PITX1: variants seen among roughly 807,000 people sequenced by gnomAD.
The protein encoded by PITX1 is paired like homeodomain 1, also known as pituitary homeobox 1.
A neutral mutation model predicts 24.1 loss-of-function variants in PITX1; 5 were observed. The ratio of observed to expected loss-of-function variants is 0.21; its 90% CI spans 0.11 to 0.44. The LOEUF (loss-of-function observed/expected upper bound fraction) is 0.44, where lower values mean the gene tolerates loss of function less well. Among genes scored for constraint, PITX1 ranks in the 20% least tolerant of loss-of-function variants. The pLI is 0.99. For synonymous variants in PITX1, 213 were observed against 208.9 expected (o/e 1.02, Z -0.17); for missense variants, 401 against 455.4 (o/e 0.88, Z 1.09).
In PITX1 at chr5:135,029,078, C is replaced by A. The variant is rs373526031; in HGVS notation, c.646G>T (p.Ala216Ser). The change falls in exon 3 of 3, where the codon GCA becomes TCA. Residue 216 changes from alanine (A) to serine (S), a missense_variant. Physicochemically the swap from Ala to Ser is moderately conservative, Grantham distance 99. Coordinates refer to ENST00000265340, the MANE Select transcript of PITX1 (RefSeq NM_002653.5). Reference sequence around the variant, plus strand: ...GTCATGGAGGAGATGGAGCTGGGTGCTGAGAACATGGACTGCGACGACAGC... The same window carrying A: ...GTCATGGAGGAGATGGAGCTGGGTGATGAGAACATGGACTGCGACGACAGC... ...SPLSSQSMFS[A>S]PSSISSMTMP... 2.8e-5 allele frequency: 45 copies of A among 1,614,080 alleles called. No individual in the cohort carries two copies. The highest frequency in any genetic ancestry group is 3.6e-5 in the Non-Finnish European group (43 of 1,180,034).
chr5:135,029,876 T>C (rs1752419372), intron 2 of PITX1, among the ~76,000 whole-genome samples: 1 of 152,226 alleles, frequency 6.6e-6, no homozygotes. Context: ...TCCCTCAGTC[T>C]GTTTTCTTGT....
rs1220641579 is a variant in PITX1 at position 135,031,366 on chromosome 5, T to C, written c.312A>G (p.Leu104=). The C allele has an allele frequency of 5.0e-6, 8 of 1,613,990 alleles. No homozygotes were observed. In the Admixed American group the frequency reaches 1.2e-4, roughly 24 times the overall value. ...THFTSQQLQE[L]EATFQRNRYP... ...AGCGGTTCCTCTGGAACGTGGCCTCTAGCTCTTGCAACTGCTGGCTTGTGA... is the reference window on the plus strand; with the variant it reads ...AGCGGTTCCTCTGGAACGTGGCCTCCAGCTCTTGCAACTGCTGGCTTGTGA... Residue 104 remains leucine, a synonymous_variant, in exon 2 of 3, where the codon CTA becomes CTG. Transcript: ENST00000265340.
rs70976562 is a variant in PITX1, at chr5:135,028,549, CTTT to C, written c.*227_*229del. ...GGCACTTTTCTCCGACGTCTTTTTG[CTTT>C]TTTTTTTTTTTTTTTTTTTTTGTCT... On this transcript the variant is annotated 3_prime_UTR_variant, in exon 3 of 3. Coordinates refer to ENST00000265340, the MANE Select transcript of PITX1 (RefSeq NM_002653.5). 5,123 of 76,472 alleles carry C rather than the reference CTTT, an allele frequency of 0.067. 108 individuals are homozygous for C. Among genetic ancestry groups the C allele is most frequent in the African/African-American group, 0.26 (4,698 of 18,356 alleles). 4.7% of individuals were successfully genotyped at this position (76,472 alleles called of 1,614,324 possible). A position where few individuals can be genotyped will look rare whatever the true frequency, so the allele number is the denominator to read the frequency against.
chr5:135,031,578 G>A, intron 1 of PITX1, 70 bp from the exon 2 acceptor site: 2 of 1,276,786 alleles, frequency 1.6e-6, no homozygotes, highest in Non-Finnish European at 1.1e-6. Flanking sequence ...CGGCTCCACC[G>A]AACCGCTCGC....
chr5:135,032,909 CG>C, intron 1 of PITX1: 1 of 426,590 alleles, frequency 2.3e-6, no homozygotes, highest in Non-Finnish European at 4.7e-6. Flanking sequence ...GCGCCCACAC[CG>C]GGGAGCTCGG....
In PITX1 at chr5:135,031,511, G is replaced by A. The variant is rs368052805; in HGVS notation, c.170-3C>T. 9 of 1,607,514 alleles carry A rather than the reference G, an allele frequency of 5.6e-6. No individual in the cohort carries two copies. The highest frequency in any genetic ancestry group is 6.8e-6 in the Non-Finnish European group (8 of 1,177,968). ...GGGTTCCCCGCCGCGCTCCTTCTCT[G>A]CAGTAGGCAGGACGGGGAGCGGGTC... On this transcript the variant is annotated splice_polypyrimidine_tract_variant and splice_region_variant and intron_variant, in intron 1 of 2. Transcript: ENST00000265340.
At position 135,033,335 on chromosome 5, in the gene PITX1, CG is replaced by C; in HGVS notation, c.169+377del. ...CTCTGTCTCTCTGAGTGCGTTCTCTCGCCCGTCACCCCTCTTCCTTTCTCGG... is the reference window on the plus strand; with the variant it reads ...CTCTGTCTCTCTGAGTGCGTTCTCTCCCCGTCACCCCTCTTCCTTTCTCGG... On this transcript the variant is annotated intron_variant, in intron 1 of 2. Coordinates refer to ENST00000265340, the MANE Select transcript of PITX1 (RefSeq NM_002653.5). The surrounding 1 kb of genome is among the most constrained non-coding windows in gnomAD (Gnocchi z 5.9). The C allele has an allele frequency of 3.4e-6, 1 of 297,950 alleles. No individual in the cohort carries two copies. 18.5% of individuals were successfully genotyped at this position (297,950 alleles called of 1,614,324 possible).
chr5:135,031,643 T>A, intron 1 of PITX1, 135 bp from the exon 2 acceptor site: 1 of 730,616 alleles, frequency 1.4e-6, no homozygotes, highest in South Asian at 1.9e-5. Context: ...CTGGGAACTG[T>A]CCCCACTGGA....
At position 135,029,162 on chromosome 5, in the gene PITX1, T is replaced by C. The variant is rs768895777; in HGVS notation, c.562A>G (p.Ser188Gly). ...GYSYNNWAAK[S>G]LAPAPLSTKS... Reference sequence around the variant, plus strand: ...GTGGAGAGCGGCGCTGGCGCCAGGCTCTTGGCGGCCCAGTTGTTGTAGGAG... The same window carrying C: ...GTGGAGAGCGGCGCTGGCGCCAGGCCCTTGGCGGCCCAGTTGTTGTAGGAG... The change falls in exon 3 of 3, where the codon AGC becomes GGC. Residue 188 changes from serine to glycine, a missense_variant. Physicochemically the swap from Ser to Gly is moderately conservative, Grantham distance 56. Transcript: ENST00000265340. 6.2e-7 allele frequency: 1 copy of C among 1,614,232 alleles called. No homozygotes were observed.
chr5:135,033,763 CG>C lies in PITX1; in HGVS notation c.118del (p.Arg40AlafsTer65). ...AFHLARPADP[R>X]EPLENSASES... Reference sequence around the variant, plus strand: ...GCTGGCGGAGTTCTCGAGCGGCTCGCGGGGGTCGGCGGGCCGGGCCAGGTGG... The same window carrying C: ...GCTGGCGGAGTTCTCGAGCGGCTCGCGGGGTCGGCGGGCCGGGCCAGGTGG... On this transcript the variant is annotated frameshift_variant, in exon 1 of 3. Transcript: ENST00000265340. LOFTEE classifies it high-confidence loss of function. The surrounding 1 kb of genome is among the most constrained non-coding windows in gnomAD (Gnocchi z 5.9). 6.3e-7 allele frequency: 1 copy of C among 1,589,674 alleles called. No homozygotes were observed.
chr5:135,033,215 T>C lies in PITX1; in HGVS notation c.169+498A>G. 1 of 310,790 alleles carries C rather than the reference T, an allele frequency of 3.2e-6. No homozygotes were observed. The highest frequency in any genetic ancestry group is 6.3e-6 in the Non-Finnish European group (1 of 159,698). 19.3% of individuals were successfully genotyped at this position (310,790 alleles called of 1,614,324 possible). ...ACCGTCCTCTGTGTCTCCCTTCTACTTGATGACCCCTCTCCCCCCGTTTAC... is the reference window on the plus strand; with the variant it reads ...ACCGTCCTCTGTGTCTCCCTTCTACCTGATGACCCCTCTCCCCCCGTTTAC... On this transcript the variant is annotated intron_variant, in intron 1 of 2. Transcript: ENST00000265340. The surrounding 1 kb of genome is among the most constrained non-coding windows in gnomAD (Gnocchi z 5.9).
Position 135,029,229 on chromosome 5 carries a change from G to A in PITX1, c.495C>T (p.Ser165=). The change falls in exon 3 of 3, where the codon AGC becomes AGT. Residue 165 remains serine (S), a synonymous_variant. Transcript: ENST00000265340. ...LCKGGYVPQF[S]GLVQPYEDVY... ...CGTCCTCGTAGGGCTGCACTAGGCC[G>A]CTGAACTGCGGCACGTAGCCACCCT... 1.9e-6 allele frequency: 3 copies of A among 1,613,702 alleles called. No individual in the cohort carries two copies. The highest frequency in any genetic ancestry group is 2.5e-6 in the Non-Finnish European group (3 of 1,179,736).
At chr5:135,031,220 G>C in intron 2 of PITX1, 56 bp downstream of exon 2, 1 of 1,365,370 alleles carries the variant, frequency 7.3e-7, no homozygotes, top group Middle Eastern at 1.8e-4. Flanking sequence ...GGCTGCAGCA[G>C]AGGCGGCCCG....
rs1359475063 is a variant in PITX1, at chr5:135,028,835, A to T, written c.889T>A (p.Tyr297Asn). ...GAGGCCGGGCCCTGCAGGCCGCCGT[A>T]GCCAAACGACGAGTGCTGTTTGGAC... ...LKSKQHSSFG[Y>N]GGLQGPASGL... The change falls in exon 3 of 3, where the codon TAC (tyrosine) becomes AAC (asparagine). Residue 297 changes from tyrosine to asparagine, a missense_variant. Physicochemically the swap from Tyr to Asn is moderately radical, Grantham distance 143. Transcript: ENST00000265340. 6.2e-7 allele frequency: 1 copy of T among 1,613,234 alleles called. No homozygotes were observed. The highest frequency in any genetic ancestry group is 8.5e-7 in the Non-Finnish European group (1 of 1,179,786).
Position 135,034,085 on chromosome 5 carries a change from C to T in PITX1, c.-204G>A, listed in dbSNP as rs2149563234. The T allele has an allele frequency of 5.6e-6, 1 of 178,706 alleles. No individual in the cohort carries two copies. Among genetic ancestry groups the T allele is most frequent in the Admixed American group, 6.2e-5 (1 of 16,084 alleles). 11.1% of individuals were successfully genotyped at this position (178,706 alleles called of 1,614,324 possible). On this transcript the variant is annotated 5_prime_UTR_variant, in exon 1 of 3. Coordinates refer to ENST00000265340, the MANE Select transcript of PITX1 (RefSeq NM_002653.5). ...CAGAGGCGGCGGCAGCTTCTCGCGA[C>T]TGGGCGCCTGGCTCAGCGCTCCGCG...
chr5:135,033,996 G>T lies in PITX1; in HGVS notation c.-115C>A. On this transcript the variant is annotated 5_prime_UTR_variant, in exon 1 of 3. Transcript: ENST00000265340. This position sits in a 1 kb window ranked among gnomAD's most constrained non-coding sequence, Gnocchi z 5.9. ...GCCTAAGCGGCTGCCCTCCAGGGCT[G>T]CCGGCGCCTGCAGCGACGCCGTGCC... 1.7e-6 allele frequency: 1 copy of T among 581,518 alleles called. No individual in the cohort carries two copies. The highest frequency in any genetic ancestry group is 2.4e-6 in the Non-Finnish European group (1 of 412,078). The allele number at this position is 581,518 out of a possible 1,614,324, so 36.0% of individuals were successfully genotyped here.
intron 2 of PITX1, among the ~76,000 whole-genome samples, chr5:135,030,727 C>T (rs1752432821): frequency 6.6e-6 from 1 of 152,218 alleles, no homozygotes; most frequent in African/African-American, 2.4e-5. Context: ...AAGGGTCCTA[C>T]TGATGGCTGG....
chr5:135,031,581 C>T, intron 1 of PITX1, 73 bp from the exon 2 acceptor site: 2 of 1,224,614 alleles, frequency 1.6e-6, no homozygotes, highest in Non-Finnish European at 1.1e-6. Flanking sequence ...CTCCACCGAA[C>T]CGCTCGCCAC....
chr5:135,033,604 G>A lies in PITX1; in HGVS notation c.169+109C>T. Reference sequence around the variant, plus strand: ...AAAGAAAGCTCCTGACGCTTCTGGGGCGGAGAGGGAGCTTGGTTGCGCGGC... The same window carrying A: ...AAAGAAAGCTCCTGACGCTTCTGGGACGGAGAGGGAGCTTGGTTGCGCGGC... On this transcript the variant is annotated intron_variant, in intron 1 of 2. Transcript: ENST00000265340. The surrounding 1 kb of genome is among the most constrained non-coding windows in gnomAD (Gnocchi z 5.9). The A allele has an allele frequency of 9.0e-7, 1 of 1,115,428 alleles. No homozygotes were observed. The highest frequency in any genetic ancestry group is 1.3e-6 in the Non-Finnish European group (1 of 766,680). 69.1% of individuals were successfully genotyped at this position (1,115,428 alleles called of 1,614,324 possible).
Sources: gnomAD v4.1 joint callset for allele counts (sites outside exome capture counted in the v4.1 genomes callset) on GRCh38, gnomAD v4.1.1 for gene constraint, Gnocchi (gnomAD v3.1) non-coding constraint, MANE v1.5 for transcripts, NCBI Gene and HGNC (gene_info 2026-07-23, HGNC 2026-07-21) for gene names.